Variants in PECR observed in about 807,000 individuals in gnomAD.
PECR encodes the protein 2,4-dienoyl-CoA reductase-related protein.
In PECR, 30 loss-of-function variants were observed where a neutral mutation model predicts 35.3. The ratio of observed to expected loss-of-function variants is 0.85; its 90% CI spans 0.64 to 1.15. The LOEUF is 1.15. Among genes scored for constraint, PECR ranks in the 50% most tolerant of loss-of-function variants. The probability of loss-of-function intolerance (pLI) is 0.00; values close to 1 mark genes in which losing one functional copy is unlikely to be tolerated. For synonymous variants in PECR, 148 were observed against 138.9 expected, an observed-to-expected ratio of 1.07 and a Z score of -0.46; for missense variants, 392 against 370.8, an observed-to-expected ratio of 1.06 and a Z score of -0.47.
At chr2:216,029,127 T>C (rs1405717500) in intron 7 of PECR, among the ~76,000 whole-genome samples, 2 of 152,024 alleles carry the variant, frequency 1.3e-5, no homozygotes, top group Admixed American at 6.6e-5. Flanking sequence ...TAAAAGGAAA[T>C]AAATAATTTC....
downstream of PECR, among the ~76,000 whole-genome samples, chr2:216,036,671 T>C (rs978122127): frequency 1.3e-5 from 2 of 152,140 alleles, no homozygotes; most frequent in Admixed American, 1.3e-4. Flanking sequence ...TGCCCAATCC[T>C]CTCTCCCCTC....
intron 6 of PECR, among the ~76,000 whole-genome samples, chr2:216,047,733 C>T (rs1338967600): frequency 6.6e-6 from 1 of 150,496 alleles, no homozygotes; most frequent in Non-Finnish European, 1.5e-5. Context: ...TATTCATTTT[C>T]AAAACATTTT....
rs140749437 is a variant in PECR, at chr2:216,048,464, C to T, written c.714+799G>A. 4.0e-3 allele frequency among the ~76,000 whole-genome samples: 599 copies of T among 151,368 alleles called. 9 individuals carry two copies. The highest frequency in any genetic ancestry group is 0.014 in the African/African-American group (570 of 41,252). On this transcript the variant is annotated intron_variant, in intron 6 of 7. Transcript: ENST00000265322. Reference sequence around the variant, plus strand: ...GCGGCTCACACATGTAATCCCAGCACTTTAGGAGGCTGAGGTGGGCGTATC... The same window carrying T: ...GCGGCTCACACATGTAATCCCAGCATTTTAGGAGGCTGAGGTGGGCGTATC...
intron 1 of PECR, among the ~76,000 whole-genome samples, chr2:216,080,748 T>C (rs1429346125): frequency 6.6e-6 from 1 of 152,252 alleles, no homozygotes; most frequent in South Asian, 2.1e-4. Flanking sequence ...TTTTTTCATA[T>C]GTTTCTTGCC....
chr2:216,051,572 C>A, intron 4 of PECR, 27 bp from the exon 5 acceptor site: 1 of 1,308,710 alleles, frequency 7.6e-7, no homozygotes. Flanking sequence ...ATAAACATGA[C>A]AATCAGCTTC....
intron 1 of PECR, among the ~76,000 whole-genome samples, chr2:216,077,284 A>G (rs1574709485): frequency 6.6e-6 from 1 of 151,842 alleles, no homozygotes; most frequent in African/African-American, 2.4e-5. Context: ...AGGCAGGCGG[A>G]GCACAAGGTC....
rs2105975310 is a variant in PECR, at chr2:216,081,803, G to A, written c.-62C>T. The stretch of plus-strand genomic sequence containing the variant: ...CCTTCTGGGTCTCAGGGACATTCGA[G>A]GCGGGCGGGCGGACAGGGCGGTGCT... On this transcript the variant is annotated 5_prime_UTR_variant, in exon 1 of 8. Transcript: ENST00000265322. 6.3e-7 allele frequency: 1 copy of A among 1,578,034 alleles called. No homozygotes were observed.
At chr2:216,068,804 A>ATTT (rs36012588) in intron 1 of PECR, among the ~76,000 whole-genome samples, 6 of 76,088 alleles carry the variant, frequency 7.9e-5, no homozygotes, top group Admixed American at 1.7e-4. Context: ...TATCTGGCCA[A>ATTT]TTTTTTTTTT....
At chr2:216,033,266 C>A (rs984911424) in intron 7 of PECR, among the ~76,000 whole-genome samples, 6 of 152,036 alleles carry the variant, frequency 3.9e-5, no homozygotes, top group African/African-American at 1.4e-4. Flanking sequence ...AAAGTAAATC[C>A]TAGAAATCAA....
intron 1 of PECR, among the ~76,000 whole-genome samples, chr2:216,068,922 T>C (rs1574702294): frequency 6.6e-6 from 1 of 151,230 alleles, no homozygotes; most frequent in Non-Finnish European, 1.5e-5. Context: ...TTTAAAGGTA[T>C]AGTTCAAAGC....
At chr2:216,044,466 C>A (rs1694954436) in intron 6 of PECR, among the ~76,000 whole-genome samples, 1 of 152,330 alleles carries the variant, frequency 6.6e-6, no homozygotes, top group Middle Eastern at 3.4e-3. Flanking sequence ...AACTAGCATT[C>A]TGGTTTGTTC....
At chr2:216,051,603 C>T in intron 4 of PECR, 58 bp from the exon 5 acceptor site, 4 of 1,087,208 alleles carry the variant, frequency 3.7e-6, no homozygotes, top group South Asian at 2.5e-5. Flanking sequence ...TTCTCTTGTT[C>T]ATCAAGCTCA....
chr2:216,053,146 A>G (rs1574686992), intron 4 of PECR, among the ~76,000 whole-genome samples: 1 of 151,848 alleles, frequency 6.6e-6, no homozygotes, highest in South Asian at 2.1e-4. Context: ...GATCCAGCAC[A>G]CCCAGCCTCA....
rs191067464 is a variant in PECR at position 216,056,697 on chromosome 2, G to A, written c.506+2198C>T. On this transcript the variant is annotated intron_variant, in intron 4 of 7. Transcript: ENST00000265322. ...GATCGCCCCATTGCACTTCAGCCTG[G>A]GCAACAGGAGCAAAACTCCATCTCA... Among the ~76,000 whole-genome samples, 92 of 148,852 alleles carry A rather than the reference G, an allele frequency of 6.2e-4. 1 individual carries two copies. The East Asian group carries it at 0.016, about 26-fold the overall frequency.
intron 1 of PECR, among the ~76,000 whole-genome samples, chr2:216,068,028 A>T (rs1695502007): frequency 6.6e-6 from 1 of 151,340 alleles, no homozygotes; most frequent in Admixed American, 6.6e-5. Flanking sequence ...GGAGTTTGAG[A>T]CCAGCCTGAC....
chr2:216,075,024 G>C (rs1695668805), intron 1 of PECR, among the ~76,000 whole-genome samples: 1 of 152,220 alleles, frequency 6.6e-6, no homozygotes, highest in Non-Finnish European at 1.5e-5. Context: ...ACTCATGCTT[G>C]TAATCCCAGC....
rs1383399177 is a variant in PECR at position 216,038,655 on chromosome 2, G to C, written c.*620C>G. The C allele has an allele frequency of 6.6e-6, 1 of 152,280 alleles. No homozygotes were observed. The highest frequency in any genetic ancestry group is 2.4e-5 in the African/African-American group (1 of 41,372). The allele number at this position is 152,280 out of a possible 1,614,324, so 9.4% of individuals were successfully genotyped here. ...AGATGCAGTCTCACTCTGTAGCCCA[G>C]GCTGGACTGCAGTAGCATGATCTCA... On this transcript the variant is annotated 3_prime_UTR_variant, in exon 8 of 8. Transcript: ENST00000265322.
In PECR at chr2:216,042,947, ATGTG is replaced by A. The variant is rs1246792135; in HGVS notation, c.826+953_826+956del. On this transcript the variant is annotated intron_variant, in intron 7 of 7. Transcript: ENST00000265322. ...AACTGTTATATATATACATACGTAT[ATGTG>A]TATATATATATACACATACGTATAT... Among the ~76,000 whole-genome samples, 13 of 134,844 alleles carry A rather than the reference ATGTG, an allele frequency of 9.6e-5. 1 individual carries two copies. Among genetic ancestry groups the A allele is most frequent in the African/African-American group, 2.7e-4 (10 of 36,518 alleles). 88.5% of individuals were successfully genotyped at this position (134,844 alleles called of 152,430 possible).
At chr2:216,043,063 A>ATGTGTG (rs1346696186) in intron 7 of PECR, among the ~76,000 whole-genome samples, 7 of 48,500 alleles carry the variant, frequency 1.4e-4, no homozygotes, top group Admixed American at 2.2e-4. Flanking sequence ...ACATACGTAT[A>ATGTGTG]TATGTATGTA....
Sources: gnomAD v4.1 joint callset for allele counts (sites outside exome capture counted in the v4.1 genomes callset) on GRCh38, gnomAD v4.1.1 for gene constraint, MANE v1.5 for transcripts, NCBI Gene and HGNC (gene_info 2026-07-23, HGNC 2026-07-21) for gene names.